The following NCF4 variants were observed in gnomAD, a reference collection of about 807,000 sequenced individuals.
NCF4 encodes the protein neutrophil cytosolic factor 4.
A neutral mutation model predicts 41.7 loss-of-function variants in NCF4; 30 were observed. The observed-to-expected ratio is 0.72, with a 90% CI of 0.54 to 0.97. The LOEUF (loss-of-function observed/expected upper bound fraction) is 0.97. Among genes scored for constraint, NCF4 ranks in the 50% least tolerant of loss-of-function variants. The pLI, the probability that NCF4 is intolerant of heterozygous loss-of-function variation, is 0.00. For synonymous variants in NCF4, 195 were observed against 175.8 expected (o/e 1.11, Z -0.87); for missense variants, 432 against 460.9 (o/e 0.94, Z 0.57).
At chr22:36,877,143 CT>C (rs796935697) in intron 9 of NCF4, among the ~76,000 whole-genome samples, 87 of 147,046 alleles carry the variant, frequency 5.9e-4, no homozygotes, top group African/African-American at 8.9e-4. Context: ...TCTCCTTCTC[CT>C]TTTTTTTTTT....
At position 36,877,922 on chromosome 22, in the gene NCF4, C is replaced by T. The variant is rs1940229871; in HGVS notation, c.*99C>T. The T allele has an allele frequency of 7.1e-6, 9 of 1,274,398 alleles. No homozygotes were observed. The East Asian group carries it at 2.3e-4, about 32-fold the overall frequency. 78.9% of individuals were successfully genotyped at this position (1,274,398 alleles called of 1,614,324 possible). ...AAAACCTGGGAGGATGGGCAGACTT[C>T]CTGTCTTTGAGGCTAATGGACCCGT... On this transcript the variant is annotated 3_prime_UTR_variant, in exon 10 of 10. Coordinates refer to ENST00000248899, the MANE Select transcript of NCF4 (RefSeq NM_000631.5).
intron 6 of NCF4, 123 bp downstream of exon 6, chr22:36,871,832 G>A (rs1252667244): frequency 2.3e-5 from 27 of 1,198,154 alleles, no homozygotes; most frequent in Admixed American, 4.0e-5. Context: ...CTGGGCACCA[G>A]GAGGAAGGAA....
In NCF4 at chr22:36,870,053, A is replaced by T. The variant is rs185707780; in HGVS notation, c.343-362A>T. On this transcript the variant is annotated intron_variant, in intron 4 of 9. Transcript: ENST00000248899. ...CACCTCTCTGATCCTAACTCAAGGG[A>T]TGTCATGAGATGGAGCAAGGGCGCG... The T allele has an allele frequency of 2.2e-4, 80 of 357,522 alleles. 1 individual carries two copies. The East Asian group carries it at 4.4e-3, about 19-fold the overall frequency. The allele number at this position is 357,522 out of a possible 1,614,324, so 22.1% of individuals were successfully genotyped here.
chr22:36,871,388 A>C (rs1940051196), intron 5 of NCF4, among the ~76,000 whole-genome samples: 1 of 152,246 alleles, frequency 6.6e-6, no homozygotes, highest in Admixed American at 6.5e-5. Flanking sequence ...AAGGCACCGA[A>C]TGAGCGTGTA....
Position 36,864,113 on chromosome 22 carries a change from G to T in NCF4, c.101G>T (p.Gly34Val), listed in dbSNP as rs766859628. 1 of 1,613,402 alleles carries T rather than the reference G, an allele frequency of 6.2e-7. No homozygotes were observed. The highest frequency in any genetic ancestry group is 8.5e-7 in the Non-Finnish European group (1 of 1,179,454). ...ATTGCTGACATCGAGGAGAAGAGAG[G>T]CTTCACCAGCCACTTTGTAAGACAG... Reference protein sequence around the residue: ...ANIADIEEKRGFTSHFVFVIE... With the variant: ...ANIADIEEKRVFTSHFVFVIE... The change falls in exon 2 of 10, where the codon GGC (glycine) becomes GTC (valine). Residue 34 changes from glycine (G) to valine (V), a missense_variant. Physicochemically the swap from Gly to Val is moderately radical, Grantham distance 109. Coordinates refer to ENST00000248899, the MANE Select transcript of NCF4 (RefSeq NM_000631.5).
In NCF4 at chr22:36,864,845, C is replaced by CCG. The variant is rs1555915180; in HGVS notation, c.118-73_118-72insGC. 3.8e-6 allele frequency: 6 copies of CCG among 1,576,496 alleles called. No individual in the cohort carries two copies. In the African/African-American group the frequency reaches 5.4e-5, roughly 14 times the overall value. On this transcript the variant is annotated intron_variant, in intron 2 of 9. Transcript: ENST00000248899. ...ATCATCTTCCTCCTCCTCCTCCTCC[C>CCG]CTTTTCCCTTCCACCTCTTTTTGGC... is the stretch of plus-strand genomic sequence containing the variant.
chr22:36,864,323 T>C (rs907419245), intron 2 of NCF4, among the ~76,000 whole-genome samples, 194 bp downstream of exon 2: 4 of 152,166 alleles, frequency 2.6e-5, no homozygotes, highest in Non-Finnish European at 5.9e-5. Flanking sequence ...TTGGGGCAGG[T>C]CTACTCCACA....
intron 1 of NCF4, among the ~76,000 whole-genome samples, chr22:36,863,817 G>T (rs1266189327): frequency 1.3e-5 from 2 of 151,556 alleles, no homozygotes; most frequent in South Asian, 4.2e-4. Context: ...TCCCATTCCT[G>T]CACTCAGTAT....
At chr22:36,872,263 G>A (rs747618480) in intron 6 of NCF4, 64 bp from the exon 7 acceptor site, 2 of 1,256,628 alleles carry the variant, frequency 1.6e-6, no homozygotes, top group South Asian at 1.2e-5. Context: ...AAGTATGTAA[G>A]GCACTTCTAT....
intron 4 of NCF4, chr22:36,870,090 C>T (rs1388975814): frequency 5.1e-6 from 2 of 395,892 alleles, no homozygotes; most frequent in African/African-American, 4.1e-5. Flanking sequence ...ATGTGATACC[C>T]ACCTGGTAAA....
chr22:36,861,072 T>G lies in NCF4; in HGVS notation c.-100T>G. 4 of 1,489,394 alleles carry G rather than the reference T, an allele frequency of 2.7e-6. No individual in the cohort carries two copies. Among genetic ancestry groups the G allele is most frequent in the Non-Finnish European group, 2.7e-6 (3 of 1,091,270 alleles). The allele number at this position is 1,489,394 out of a possible 1,614,324, so 92.3% of individuals were successfully genotyped here. ...CCTGGGGACTCCCAGGACCACAGGC[T>G]GAGACGAGACGCAGGGTGGCTGGAG... On this transcript the variant is annotated 5_prime_UTR_variant, in exon 1 of 10. Coordinates refer to ENST00000248899, the MANE Select transcript of NCF4 (RefSeq NM_000631.5).
In NCF4 at chr22:36,865,234, A is replaced by G. The variant is rs1311715653; in HGVS notation, c.271+162A>G. 6.6e-6 allele frequency among the ~76,000 whole-genome samples: 1 copy of G among 151,814 alleles called. No homozygotes were observed. The highest frequency in any genetic ancestry group is 1.5e-5 in the Non-Finnish European group (1 of 67,924). On this transcript the variant is annotated intron_variant, in intron 3 of 9. Transcript: ENST00000248899. This position sits in a 1 kb window ranked among gnomAD's most constrained non-coding sequence, Gnocchi z 4.3. ...TTACAGGCTGCCAAGCCCTCCCTGC[A>G]TGGCTCCCCCTGCCTCACGCCATGG... is the stretch of plus-strand genomic sequence containing the variant.
intron 9 of NCF4, 130 bp downstream of exon 9, chr22:36,876,224 C>T: frequency 1.1e-6 from 1 of 952,018 alleles, no homozygotes. Context: ...ATCCGCAGCC[C>T]AGCCCTGCAG....
intron 6 of NCF4, chr22:36,872,034 C>A (rs1427708545): frequency 6.0e-6 from 4 of 666,456 alleles, no homozygotes; most frequent in African/African-American, 1.8e-5. Flanking sequence ...CAAGGCCCAG[C>A]CCACGATGAA....
At chr22:36,864,253 T>A in intron 2 of NCF4, 124 bp downstream of exon 2, 1 of 892,220 alleles carries the variant, frequency 1.1e-6, no homozygotes, top group South Asian at 1.3e-5. Context: ...TCTCAGTGGT[T>A]CTCAACAGGA....
chr22:36,867,212 GAGAGGATGAA>G (rs1266019102), intron 3 of NCF4, among the ~76,000 whole-genome samples, 170 bp from the exon 4 acceptor site: 1 of 151,960 alleles, frequency 6.6e-6, no homozygotes, highest in Non-Finnish European at 1.5e-5. Flanking sequence ...TAGCACAACT[GAGAGGATGAA>G]AGTTGGATGG....
In NCF4 at chr22:36,877,974, T is replaced by G. The variant is rs1940231101; in HGVS notation, c.*151T>G. ...GGGCTTGTAATCTGTCTCTTTCTAC[T>G]ATTTACATCTGATTTAAATAAACCA... On this transcript the variant is annotated 3_prime_UTR_variant, in exon 10 of 10. Coordinates refer to ENST00000248899, the MANE Select transcript of NCF4 (RefSeq NM_000631.5). 1.4e-6 allele frequency: 1 copy of G among 734,052 alleles called. No homozygotes were observed. Among genetic ancestry groups the G allele is most frequent in the Non-Finnish European group, 2.2e-6 (1 of 453,680 alleles). 45.5% of individuals were successfully genotyped at this position (734,052 alleles called of 1,614,324 possible). A position where few individuals can be genotyped will look rare whatever the true frequency, so the allele number is the denominator to read the frequency against.
intron 9 of NCF4, 53 bp from the exon 10 acceptor site, chr22:36,877,575 T>C: frequency 6.3e-7 from 1 of 1,598,898 alleles, no homozygotes; most frequent in Non-Finnish European, 8.6e-7. Context: ...CCCCTCTCCC[T>C]ACCCCTACCT....
At chr22:36,873,843 T>C (rs1218393316) in intron 7 of NCF4, among the ~76,000 whole-genome samples, 4 of 116,142 alleles carry the variant, frequency 3.4e-5, no homozygotes, top group Admixed American at 2.0e-4. Flanking sequence ...AGATATTTGC[T>C]CCTGAGGGGT....
Sources: allele counts gnomAD v4.1 joint callset (sites outside exome capture counted in the v4.1 genomes callset), GRCh38; gene constraint gnomAD v4.1.1; non-coding constraint Gnocchi (gnomAD v3.1); transcripts MANE v1.5; gene names NCBI Gene and HGNC (gene_info 2026-07-23, HGNC 2026-07-21).